LSAMP: variants seen among roughly 807,000 people sequenced by gnomAD.
LSAMP encodes the protein limbic system-associated membrane protein.
Under a neutral mutation model 38.6 loss-of-function variants are expected in LSAMP, and 7 were observed. The ratio of observed to expected loss-of-function variants is 0.18; its 90% CI spans 0.10 to 0.34. The LOEUF is 0.34. Ranked by LOEUF, LSAMP falls within the 10% of genes least tolerant of loss-of-function variation. The probability of loss-of-function intolerance (pLI) is 1.00; values close to 1 mark genes in which losing one functional copy is unlikely to be tolerated. For missense variants in LSAMP, 313 were observed against 420.0 expected (o/e 0.75, Z 2.23); for synonymous variants, 154 against 166.8 (o/e 0.92, Z 0.59).
At chr3:116,147,575 T>C (rs1709517708) in intron 1 of LSAMP, among the ~76,000 whole-genome samples, 1 of 151,996 alleles carries the variant, frequency 6.6e-6, no homozygotes. Context: ...CAATTTTGTC[T>C]ATAATATTTT....
rs564798820 is a variant in LSAMP, at chr3:116,011,964, G to T, written c.514+7551C>A. Among the ~76,000 whole-genome samples, 3 of 152,272 alleles carry T rather than the reference G, an allele frequency of 2.0e-5. No individual in the cohort carries two copies. The East Asian group carries it at 5.8e-4, about 29-fold the overall frequency. On this transcript the variant is annotated intron_variant, in intron 3 of 6. Coordinates refer to ENST00000490035, the MANE Select transcript of LSAMP (RefSeq NM_002338.5). ...AGACCTACCCTGTCATCTCACGAGG[G>T]ATATTGGAATAGATAGATCTTAGCT...
chr3:115,972,896 A>G (rs951732896), intron 3 of LSAMP, among the ~76,000 whole-genome samples: 39 of 149,296 alleles, frequency 2.6e-4, no homozygotes, highest in African/African-American at 9.3e-4. Context: ...ATTATGTATT[A>G]TTTTGAATTA....
At chr3:116,072,547 C>T (rs146097389) in intron 2 of LSAMP, among the ~76,000 whole-genome samples, 81 of 152,244 alleles carry the variant, frequency 5.3e-4, no homozygotes, top group African/African-American at 1.9e-3. Flanking sequence ...CCTCTACAAC[C>T]TCCCTAGCAT....
chr3:115,932,640 AAGT>A (rs1462126332), intron 3 of LSAMP, among the ~76,000 whole-genome samples: 1 of 152,208 alleles, frequency 6.6e-6, no homozygotes, highest in African/African-American at 2.4e-5. Flanking sequence ...AGAAATCATA[AAGT>A]AGTCAATTTG....
At chr3:116,381,412 T>C (rs1559848060) in intron 1 of LSAMP, among the ~76,000 whole-genome samples, 1 of 152,118 alleles carries the variant, frequency 6.6e-6, no homozygotes, top group Admixed American at 6.6e-5. Context: ...TATGGAATGA[T>C]GGGAATACAA....
At chr3:116,188,743 G>A (rs578021993) in intron 1 of LSAMP, among the ~76,000 whole-genome samples, 7 of 152,204 alleles carry the variant, frequency 4.6e-5, no homozygotes, top group South Asian at 2.1e-4. Context: ...ACTATATTGC[G>A]GGAATGGGGG....
intron 6 of LSAMP, chr3:115,816,741 G>A (rs1411538630): frequency 3.3e-6 from 2 of 613,636 alleles, no homozygotes; most frequent in Non-Finnish European, 5.0e-6. Context: ...TCCACTGAAA[G>A]GCGAATAAGA....
At chr3:115,917,473 G>A (rs555168866) in intron 3 of LSAMP, among the ~76,000 whole-genome samples, 8 of 152,090 alleles carry the variant, frequency 5.3e-5, no homozygotes, top group South Asian at 4.2e-4. Flanking sequence ...GATTCCTTCC[G>A]GATACTTTTA....
intron 1 of LSAMP, among the ~76,000 whole-genome samples, chr3:116,172,035 C>T (rs995391300): frequency 6.6e-6 from 1 of 151,898 alleles, no homozygotes; most frequent in Non-Finnish European, 1.5e-5. Flanking sequence ...GATGAATGCA[C>T]AGTCATGTAA....
At chr3:116,088,128 C>T (rs966113285) in intron 1 of LSAMP, among the ~76,000 whole-genome samples, 5 of 152,086 alleles carry the variant, frequency 3.3e-5, no homozygotes, top group Non-Finnish European at 7.4e-5. Context: ...ATCTTCCCAA[C>T]TTGGCCTCCC....
At chr3:116,311,380 A>G (rs557385379) in intron 1 of LSAMP, among the ~76,000 whole-genome samples, 33 of 152,240 alleles carry the variant, frequency 2.2e-4, no homozygotes, top group African/African-American at 7.9e-4. Context: ...AGTCTCATCC[A>G]AGAGTTCTTG....
rs757693713 is a variant in LSAMP at position 116,019,506 on chromosome 3, A to G, written c.514+9T>C. 8.1e-6 allele frequency: 13 copies of G among 1,610,764 alleles called. No homozygotes were observed. The highest frequency in any genetic ancestry group is 1.1e-5 in the Non-Finnish European group (13 of 1,177,830). On this transcript the variant is annotated intron_variant, in intron 3 of 6. Coordinates refer to ENST00000490035, the MANE Select transcript of LSAMP (RefSeq NM_002338.5). ...CATGTGGCATATTGGAACCTGGAGT[A>G]TTGCTTACCAGTTGGTGTAAGGTGT...
intron 1 of LSAMP, among the ~76,000 whole-genome samples, chr3:116,267,472 C>G (rs1220855048): frequency 6.6e-6 from 1 of 152,028 alleles, no homozygotes; most frequent in African/African-American, 2.4e-5. Context: ...ACTCCCTTTT[C>G]CCTGGAGTCT....
intron 1 of LSAMP, among the ~76,000 whole-genome samples, chr3:116,145,006 T>C (rs1258326836): frequency 6.6e-6 from 1 of 152,000 alleles, no homozygotes; most frequent in Non-Finnish European, 1.5e-5. Flanking sequence ...ACACATAAAC[T>C]GAATTGATAT....
intron 1 of LSAMP, among the ~76,000 whole-genome samples, chr3:116,304,210 G>A (rs2047452178): frequency 1.3e-5 from 2 of 151,918 alleles, no homozygotes; most frequent in African/African-American, 4.8e-5. Context: ...TTAATTAGAG[G>A]GAAAGCAGGC....
At chr3:116,100,926 C>A (rs1210720842) in intron 1 of LSAMP, among the ~76,000 whole-genome samples, 1 of 152,226 alleles carries the variant, frequency 6.6e-6, no homozygotes, top group Admixed American at 6.5e-5. Context: ...CAAAATCTAT[C>A]TCAGATGTGC....
At chr3:116,038,320 G>A (rs1211069158) in intron 2 of LSAMP, among the ~76,000 whole-genome samples, 1 of 152,132 alleles carries the variant, frequency 6.6e-6, no homozygotes, top group African/African-American at 2.4e-5. Context: ...AATCTCTGAA[G>A]ACGCCAGTGC....
At chr3:115,894,576 T>A (rs1258328295) in intron 3 of LSAMP, among the ~76,000 whole-genome samples, 1 of 152,030 alleles carries the variant, frequency 6.6e-6, no homozygotes, top group Non-Finnish European at 1.5e-5. Flanking sequence ...AGAAATACCA[T>A]CTTCTGAGTT....
At position 116,164,737 on chromosome 3, in the gene LSAMP, TATATCC is replaced by T. The variant is rs1259920541; in HGVS notation, c.156-78187_156-78182del. ...TATATATATATAATCCAAATATATA[TATATCC>T]ATATATATATATATATATTTTTTTT... On this transcript the variant is annotated intron_variant, in intron 1 of 6. Transcript: ENST00000490035. Among the ~76,000 whole-genome samples the T allele has an allele frequency of 9.4e-4, 71 of 75,916 alleles. 1 individual carries two copies. Among genetic ancestry groups the T allele is most frequent in the African/African-American group, 1.8e-3 (32 of 17,866 alleles). The allele number at this position is 75,916 out of a possible 152,430, so 49.8% of individuals were successfully genotyped here.
Sources: gnomAD v4.1 joint callset for allele counts (sites outside exome capture counted in the v4.1 genomes callset) on GRCh38, gnomAD v4.1.1 for gene constraint, MANE v1.5 for transcripts, NCBI Gene and HGNC (gene_info 2026-07-23, HGNC 2026-07-21) for gene names.